CPT1B: variants seen among roughly 807,000 people sequenced by gnomAD.
CPT1B encodes the protein carnitine O-palmitoyltransferase 1, muscle isoform.
A neutral mutation model predicts 92.7 loss-of-function variants in CPT1B; 57 were observed. The observed-to-expected ratio is 0.62, with a 90% CI of 0.50 to 0.77. The LOEUF (loss-of-function observed/expected upper bound fraction) is 0.77. Ranked by LOEUF, CPT1B falls within the 30% of genes least tolerant of loss-of-function variation. CPT1B has a pLI of 0.00. For synonymous variants in CPT1B, 398 were observed against 383.5 expected (o/e 1.04, Z -0.44); for missense variants, 983 against 1,017.4 (o/e 0.97, Z 0.46).
In CPT1B at chr22:50,572,879, TG is replaced by T. The variant is rs1265792240; in HGVS notation, c.1347del (p.Tyr449Ter). ...GTGGGGCTGGGGCTGCCGTACCTGT[TG>T]TAGCAGTTGCCATGTAGCAGGGCCT... is the stretch of plus-strand genomic sequence containing the variant. ...YGKALLHGNC[Y>X]NRWFDKSFTL... On this transcript the variant is annotated frameshift_variant, in exon 11 of 20. Coordinates refer to ENST00000312108, the MANE Select transcript of CPT1B (RefSeq NM_152246.3). LOFTEE classifies it high-confidence loss of function. The T allele has an allele frequency of 6.2e-7, 1 of 1,604,672 alleles. No individual in the cohort carries two copies. The highest frequency in any genetic ancestry group is 1.3e-5 in the African/African-American group (1 of 74,766).
Position 50,570,963 on chromosome 22 carries a change from C to T in CPT1B, c.1956G>A (p.Gly652=). Residue 652 remains glycine, a synonymous_variant, in exon 16 of 20, where the codon GGG becomes GGA. Coordinates refer to ENST00000312108, the MANE Select transcript of CPT1B (RefSeq NM_152246.3). ...AAAGGCAGAAGAGGTGCCTGTCGAT[C>T]CCTGCCCCGGTCATGGCCAGGCGGT... is the stretch of plus-strand genomic sequence containing the variant. The part of the protein sequence containing the change: ...NMYRLAMTGA[G]IDRHLFCLYL... 6.2e-7 allele frequency: 1 copy of T among 1,614,010 alleles called. No homozygotes were observed. The highest frequency in any genetic ancestry group is 1.3e-5 in the African/African-American group (1 of 75,068).
rs1435657839 is a variant in CPT1B at position 50,577,799 on chromosome 22, C to A, written c.117G>T (p.Trp39Cys). Reference sequence around the variant, plus strand: ...CCTTGATGCGGATCAGGCGTTTCTTCCAGGAGTTGATCCCAGACAGGTAGA... The same window carrying A: ...CCTTGATGCGGATCAGGCGTTTCTTACAGGAGTTGATCCCAGACAGGTAGA... ...KHVYLSGINSWKKRLIRIKNG... is the reference protein window; with the variant it reads ...KHVYLSGINSCKKRLIRIKNG... The change falls in exon 2 of 20, where the codon TGG becomes TGT. Residue 39 changes from tryptophan (W) to cysteine (C), a missense_variant. Trp to Cys is a radical substitution (Grantham distance 215). Coordinates refer to ENST00000312108, the MANE Select transcript of CPT1B (RefSeq NM_152246.3). The A allele has an allele frequency of 1.1e-5, 18 of 1,613,764 alleles. No homozygotes were observed. The highest frequency in any genetic ancestry group is 1.4e-5 in the Non-Finnish European group (17 of 1,179,886).
rs1217219897 is a variant in CPT1B, at chr22:50,577,871, G to A, written c.45C>T (p.Thr15=). ...TGAGCCGGAAGTCGACCCCGTCTGG[G>A]GTCACCGTGAACTGGAAGGCCACGG... ...HQAVAFQFTV[T]PDGVDFRLSR... The change falls in exon 2 of 20, where the codon ACC becomes ACT. Residue 15 remains threonine (T), a synonymous_variant. Coordinates refer to ENST00000312108, the MANE Select transcript of CPT1B (RefSeq NM_152246.3). 5.0e-6 allele frequency: 8 copies of A among 1,613,304 alleles called. No homozygotes were observed. The South Asian group carries it at 5.5e-5, about 11-fold the overall frequency.
rs376918855 is a variant in CPT1B, at chr22:50,573,471, C to T, written c.1166+49G>A. On this transcript the variant is annotated intron_variant, in intron 10 of 19. Coordinates refer to ENST00000312108, the MANE Select transcript of CPT1B (RefSeq NM_152246.3). The surrounding 1 kb of genome is among the most constrained non-coding windows in gnomAD (Gnocchi z 5.0). ...AGGCAGGGCCACGCTCCTCTCCTCACGGAGCCCTGAACTCAGGGTGGGGAC... is the reference window on the plus strand; with the variant it reads ...AGGCAGGGCCACGCTCCTCTCCTCATGGAGCCCTGAACTCAGGGTGGGGAC... The T allele has an allele frequency of 1.7e-5, 26 of 1,515,422 alleles. No homozygotes were observed. Among genetic ancestry groups the T allele is most frequent in the African/African-American group, 6.9e-5 (5 of 72,394 alleles). The allele number at this position is 1,515,422 out of a possible 1,614,324, so 93.9% of individuals were successfully genotyped here.
At chr22:50,575,978 C>G in intron 7 of CPT1B, 57 bp downstream of exon 7, 1 of 1,548,366 alleles carries the variant, frequency 6.5e-7, no homozygotes, top group Admixed American at 1.7e-5. Flanking sequence ...AGATCCCTTG[C>G]CTTGGAGCTG....
intron 7 of CPT1B, 37 bp from the exon 8 acceptor site, chr22:50,574,637 G>C (rs753772623): frequency 6.4e-7 from 1 of 1,561,606 alleles, no homozygotes; most frequent in Non-Finnish European, 8.8e-7. Context: ...GGGGGCCTCT[G>C]TCTGGGTGTC....
In CPT1B at chr22:50,574,359, T is replaced by A; in HGVS notation, c.946A>T (p.Thr316Ser). 2 of 1,613,686 alleles carry A rather than the reference T, an allele frequency of 1.2e-6. No homozygotes were observed. The highest frequency in any genetic ancestry group is 1.7e-6 in the Non-Finnish European group (2 of 1,179,888). The change falls in exon 9 of 20, where the codon ACT (threonine) becomes TCT (serine). Residue 316 changes from threonine to serine, a missense_variant. By Grantham distance (58) the Thr-to-Ser change is moderately conservative (BLOSUM62 1). Coordinates refer to ENST00000312108, the MANE Select transcript of CPT1B (RefSeq NM_152246.3). Reference sequence around the variant, plus strand: ...CCTGTGTCCTTGCCCGGGATCCGAGTGGTGTTGAACATCCTCTCCATCTGG... The same window carrying A: ...CCTGTGTCCTTGCCCGGGATCCGAGAGGTGTTGAACATCCTCTCCATCTGG... Reference protein sequence around the residue: ...SYQMERMFNTTRIPGKDTDVL... With the variant: ...SYQMERMFNTSRIPGKDTDVL...
At position 50,572,135 on chromosome 22, in the gene CPT1B, G is replaced by A. The variant is rs768500009; in HGVS notation, c.1459-13C>T. 3 of 1,613,480 alleles carry A rather than the reference G, an allele frequency of 1.9e-6. No homozygotes were observed. Among genetic ancestry groups the A allele is most frequent in the South Asian group, 2.2e-5 (2 of 91,076 alleles). ...TGCCCAGGACAAACTGCAGGGAGAG[G>A]ATGAGACTGAGAGGCTGGCCTCATC... On this transcript the variant is annotated splice_polypyrimidine_tract_variant and intron_variant, in intron 12 of 19. Coordinates refer to ENST00000312108, the MANE Select transcript of CPT1B (RefSeq NM_152246.3).
intron 11 of CPT1B, among the ~76,000 whole-genome samples, chr22:50,572,655 T>C (rs1377053443): frequency 6.6e-6 from 1 of 152,070 alleles, no homozygotes; most frequent in Non-Finnish European, 1.5e-5. Flanking sequence ...CTAATCACAA[T>C]CCTAACTACT....
rs2070062114 is a variant in CPT1B at position 50,569,614 on chromosome 22, A to T, written c.2197T>A (p.Phe733Ile). 2 of 1,614,070 alleles carry T rather than the reference A, an allele frequency of 1.2e-6. No homozygotes were observed. Among genetic ancestry groups the T allele is most frequent in the Non-Finnish European group, 1.7e-6 (2 of 1,180,014 alleles). ...SYMIAGENTIFFHISSKFSSS... is the reference protein window; with the variant it reads ...SYMIAGENTIIFHISSKFSSS... ...GAGAACTTGCTGGAGATGTGGAAGA[A>T]GATCGTGTTCTCGCCTGCAATCATG... The change falls in exon 18 of 20, where the codon TTC (phenylalanine) becomes ATC (isoleucine). Residue 733 changes from phenylalanine (F) to isoleucine (I), a missense_variant. Physicochemically the swap from Phe to Ile is conservative, Grantham distance 21 (BLOSUM62 0). Transcript: ENST00000312108.
rs899145706 is a variant in CPT1B, at chr22:50,577,422, G to C, written c.183C>G (p.Ser61Arg). ...LRGVYPGSPTSWLVVIMATVG... is the reference protein window; with the variant it reads ...LRGVYPGSPTRWLVVIMATVG... ...CTGTTGCCATGATGACGACCAGCCAGCTGGTGGGGCTGCCAGGGTACACGC... is the reference window on the plus strand; with the variant it reads ...CTGTTGCCATGATGACGACCAGCCACCTGGTGGGGCTGCCAGGGTACACGC... Residue 61 changes from serine (S) to arginine (R), a missense_variant, in exon 3 of 20, where the codon AGC (serine) becomes AGG (arginine). Ser to Arg is a moderately radical substitution (Grantham distance 110, BLOSUM62 -1). Coordinates refer to ENST00000312108, the MANE Select transcript of CPT1B (RefSeq NM_152246.3). 1.9e-6 allele frequency: 3 copies of C among 1,613,774 alleles called. No homozygotes were observed. The highest frequency in any genetic ancestry group is 3.3e-5 in the Admixed American group (2 of 60,006).
At chr22:50,570,549 C>T (rs2070115789) in intron 16 of CPT1B, 143 bp from the exon 17 acceptor site, 3 of 664,580 alleles carry the variant, frequency 4.5e-6, no homozygotes, top group South Asian at 2.1e-5. Flanking sequence ...GTCCCCTGTG[C>T]ATCATGCCAC....
At chr22:50,569,494 T>C (rs2070051412) in intron 18 of CPT1B, 73 bp from the exon 19 acceptor site, 1 of 1,604,928 alleles carries the variant, frequency 6.2e-7, no homozygotes, top group African/African-American at 1.3e-5. Context: ...CAAGGATGCC[T>C]CCCCAGCCAA....
intron 3 of CPT1B, 34 bp downstream of exon 3, chr22:50,577,290 G>A: frequency 6.2e-7 from 1 of 1,611,194 alleles, no homozygotes; most frequent in Non-Finnish European, 8.5e-7. Context: ...GCCCTCCCTG[G>A]TGGCACCTGT....
In CPT1B at chr22:50,572,856, G is replaced by C. The variant is rs1190545657; in HGVS notation, c.1352+19C>G. The C allele has an allele frequency of 6.3e-7, 1 of 1,596,478 alleles. No homozygotes were observed. The highest frequency in any genetic ancestry group is 8.6e-7 in the Non-Finnish European group (1 of 1,165,494). ...CTTTTAACCTTAAGCTGTAACCTGT[G>C]GGGCTGGGGCTGCCGTACCTGTTGT... On this transcript the variant is annotated intron_variant, in intron 11 of 19. Coordinates refer to ENST00000312108, the MANE Select transcript of CPT1B (RefSeq NM_152246.3).
intron 19 of CPT1B, 58 bp from the exon 20 acceptor site, chr22:50,569,139 C>G (rs1024272759): frequency 3.9e-6 from 2 of 516,746 alleles, no homozygotes; most frequent in Non-Finnish European, 6.9e-6. Context: ...AAAAAAAAAT[C>G]AAAATTCCCT....
rs772627134 is a variant in CPT1B at position 50,573,679 on chromosome 22, G to A, written c.1007C>T (p.Ala336Val). ...LQHLSDSRHV[A>V]VYHKGRFFKL... is the part of the protein sequence containing the mutation. ...GAAGAAGCGTCCCTTGTGGTAGACA[G>A]CCACGTGCCGGCTGTCTGAGAGGTG... The change falls in exon 10 of 20, where the codon GCT becomes GTT. Residue 336 changes from alanine (A) to valine (V), a missense_variant. Coordinates refer to ENST00000312108, the MANE Select transcript of CPT1B (RefSeq NM_152246.3). The surrounding 1 kb of genome is among the most constrained non-coding windows in gnomAD (Gnocchi z 5.0). 1 of 1,613,038 alleles carries A rather than the reference G, an allele frequency of 6.2e-7. No individual in the cohort carries two copies. Among genetic ancestry groups the A allele is most frequent in the Non-Finnish European group, 8.5e-7 (1 of 1,179,940 alleles).
chr22:50,576,617 G>T lies in CPT1B; in HGVS notation c.480C>A (p.Ser160=), dbSNP rs1260640870. 2 of 1,610,396 alleles carry T rather than the reference G, an allele frequency of 1.2e-6. No homozygotes were observed. The highest frequency in any genetic ancestry group is 1.7e-6 in the Non-Finnish European group (2 of 1,178,602). ...RIWAMCIRLL[S]SRHPMLYSFQ... ...AGCTGTAGAGCATAGGGTGCCGGCT[G>T]GATAGAAGGCGGATACACATCTGGG... is the stretch of plus-strand genomic sequence containing the variant. The change falls in exon 5 of 20, where the codon TCC becomes TCA. Residue 160 remains serine (S), a synonymous_variant. Coordinates refer to ENST00000312108, the MANE Select transcript of CPT1B (RefSeq NM_152246.3).
In CPT1B at chr22:50,572,961, A is replaced by T. The variant is rs2070251101; in HGVS notation, c.1266T>A (p.Asp422Glu). 55 of 1,613,790 alleles carry T rather than the reference A, an allele frequency of 3.4e-5. No homozygotes were observed. The highest frequency in any genetic ancestry group is 4.7e-5 in the Non-Finnish European group (55 of 1,179,862). The stretch of plus-strand genomic sequence containing the variant: ...CGGGGTCATAGGAGTAGGATTCCTC[A>T]TCCAGGGCCACGAAGAAAGCGGCAC... ...IERAAFFVAL[D>E]EESYSYDPED... The change falls in exon 11 of 20, where the codon GAT (aspartate) becomes GAA (glutamate). Residue 422 changes from aspartate (D) to glutamate (E), a missense_variant. Asp to Glu is a conservative substitution (Grantham distance 45). Coordinates refer to ENST00000312108, the MANE Select transcript of CPT1B (RefSeq NM_152246.3).
Sources: gnomAD v4.1 joint callset for allele counts (sites outside exome capture counted in the v4.1 genomes callset) on GRCh38, gnomAD v4.1.1 for gene constraint, Gnocchi (gnomAD v3.1) non-coding constraint, MANE v1.5 for transcripts, NCBI Gene and HGNC (gene_info 2026-07-23, HGNC 2026-07-21) for gene names.